ABCB4: variants seen among roughly 807,000 people sequenced by gnomAD.
ABCB4 encodes the protein phosphatidylcholine translocator ABCB4.
A neutral mutation model predicts 145.7 loss-of-function variants in ABCB4; 76 were observed. That is an observed-to-expected ratio of 0.52 (90% CI 0.43 to 0.63). ABCB4 has a LOEUF of 0.63. Ranked by LOEUF, ABCB4 falls within the 30% of genes least tolerant of loss-of-function variation. The pLI is 0.00. For missense variants in ABCB4, 1,234 were observed against 1,553.1 expected, an observed-to-expected ratio of 0.79 and a Z score of 3.45; for synonymous variants, 517 against 566.8, an observed-to-expected ratio of 0.91 and a Z score of 1.25.
At chr7:87,475,592 C>T in intron 1 of ABCB4, 42 bp downstream of exon 1, 2 of 969,204 alleles carry the variant, frequency 2.1e-6, no homozygotes, top group Non-Finnish European at 1.6e-6. Context: ...CCCCACGTCC[C>T]GGGTCTCCCT....
intron 7 of ABCB4, among the ~76,000 whole-genome samples, chr7:87,450,596 G>A (rs1377172691): frequency 2.0e-5 from 3 of 150,354 alleles, no homozygotes; most frequent in African/African-American, 4.9e-5. Context: ...TCAGCCTCCC[G>A]AGTAGCTGGG....
chr7:87,397,290 G>A (rs1807562637), downstream of ABCB4, among the ~76,000 whole-genome samples: 2 of 151,566 alleles, frequency 1.3e-5, no homozygotes, highest in South Asian at 2.1e-4. Flanking sequence ...GATGGAGGTT[G>A]CAGTGAGCTG....
At chr7:87,422,877 A>G (rs1430139014) in intron 17 of ABCB4, among the ~76,000 whole-genome samples, 1 of 152,046 alleles carries the variant, frequency 6.6e-6, no homozygotes, top group Non-Finnish European at 1.5e-5. Context: ...CCCGACAGAA[A>G]CCGCTGTTTG....
At chr7:87,459,387 G>A (rs1812306276) in intron 4 of ABCB4, among the ~76,000 whole-genome samples, 1 of 152,026 alleles carries the variant, frequency 6.6e-6, no homozygotes, top group South Asian at 2.1e-4. Context: ...AAGTAGAATC[G>A]AACAGTATTT....
the ABCB4 span, among the ~76,000 whole-genome samples, chr7:87,388,172 T>A: frequency 2.0e-5 from 3 of 152,140 alleles, no homozygotes; most frequent in East Asian, 5.8e-4. Flanking sequence ...ATCTTGACCC[T>A]CATATCCTGG....
chr7:87,369,950 G>A, the ABCB4 span, among the ~76,000 whole-genome samples: 1 of 143,302 alleles, frequency 7.0e-6, no homozygotes, highest in Admixed American at 6.8e-5. Flanking sequence ...TAACTCCCGT[G>A]TACCCATCTC....
chr7:87,375,192 T>C, the ABCB4 span: 2 of 154,228 alleles, frequency 1.3e-5, no homozygotes, highest in African/African-American at 4.8e-5. Flanking sequence ...CAAATATTAA[T>C]TGAGTATACA....
intron 3 of ABCB4, among the ~76,000 whole-genome samples, chr7:87,465,235 G>GC (rs1449973994): frequency 6.6e-6 from 1 of 152,198 alleles, no homozygotes; most frequent in Non-Finnish European, 1.5e-5. Flanking sequence ...TACATCCCAC[G>GC]CCTGGCTCAG....
chr7:87,381,779 C>G, the ABCB4 span: 1 of 590,734 alleles, frequency 1.7e-6, no homozygotes, highest in Non-Finnish European at 2.9e-6. Flanking sequence ...ATCATATCCT[C>G]AAGAGGTGAG....
chr7:87,460,268 TTTTTC>T (rs1157174906), intron 4 of ABCB4, among the ~76,000 whole-genome samples: 14 of 152,292 alleles, frequency 9.2e-5, no homozygotes, highest in Middle Eastern at 3.4e-3. Flanking sequence ...CTGCATTTCT[TTTTTC>T]TTTTCTTTTT....
chr7:87,461,734 G>T (rs187216197), intron 4 of ABCB4, among the ~76,000 whole-genome samples: 225 of 152,118 alleles, frequency 1.5e-3, no homozygotes, highest in African/African-American at 5.0e-3. Context: ...TTTTTAAAAG[G>T]CATTAATATT....
chr7:87,449,677 A>G (rs1379643307), intron 8 of ABCB4, among the ~76,000 whole-genome samples: 1 of 151,806 alleles, frequency 6.6e-6, no homozygotes, highest in Non-Finnish European at 1.5e-5. Flanking sequence ...GATTCCAGCT[A>G]CCCTCCTGCC....
chr7:87,376,748 C>T, the ABCB4 span, among the ~76,000 whole-genome samples: 1 of 151,544 alleles, frequency 6.6e-6, no homozygotes, highest in African/African-American at 2.4e-5. Context: ...ATTTAGATTG[C>T]AGCCCACTAT....
chr7:87,426,725 T>C (rs201549670), intron 16 of ABCB4, 25 bp downstream of exon 16: 1 of 1,608,038 alleles, frequency 6.2e-7, no homozygotes, highest in East Asian at 2.2e-5. Context: ...AGTAAAAGAC[T>C]TAATTTAAGT....
chr7:87,449,840 G>T (rs1811589973), intron 8 of ABCB4, 128 bp downstream of exon 8: 1 of 1,386,238 alleles, frequency 7.2e-7, no homozygotes, highest in Admixed American at 1.9e-5. Context: ...ATCAGTAAAG[G>T]GTGCTTATAA....
chr7:87,454,133 C>A (rs1174944030), intron 5 of ABCB4, among the ~76,000 whole-genome samples: 1 of 152,156 alleles, frequency 6.6e-6, no homozygotes, highest in Non-Finnish European at 1.5e-5. Flanking sequence ...GCACTCGTTA[C>A]AATCAGCAAC....
At chr7:87,373,044 A>G in the ABCB4 span, among the ~76,000 whole-genome samples, 1 of 152,108 alleles carries the variant, frequency 6.6e-6, no homozygotes, top group East Asian at 1.9e-4. Flanking sequence ...ACTATTGAGA[A>G]ACTACCAGAG....
chr7:87,436,333 A>AAG (rs1380295908), intron 14 of ABCB4, among the ~76,000 whole-genome samples: 1 of 152,136 alleles, frequency 6.6e-6, no homozygotes, highest in East Asian at 1.9e-4. Flanking sequence ...AAAAAAAAAA[A>AAG]AAGCCTTAAA....
the ABCB4 span, among the ~76,000 whole-genome samples, chr7:87,383,081 T>C: frequency 6.6e-6 from 1 of 152,238 alleles, no homozygotes; most frequent in Non-Finnish European, 1.5e-5. Flanking sequence ...GGATGTCCAC[T>C]GCCTCAACCA....
Sources: gnomAD v4.1 joint callset for allele counts (sites outside exome capture counted in the v4.1 genomes callset) on GRCh38, gnomAD v4.1.1 for gene constraint, MANE v1.5 for transcripts, NCBI Gene and HGNC (gene_info 2026-07-23, HGNC 2026-07-21) for gene names.